AP3B2: variants seen among roughly 807,000 people sequenced by gnomAD.
AP3B2 encodes the protein adaptor related protein complex 3 subunit beta 2.
In AP3B2, 50 loss-of-function variants were observed where a neutral mutation model predicts 126.9. The observed-to-expected ratio is 0.39, with a 90% CI of 0.31 to 0.50. AP3B2 has a LOEUF of 0.50. Ranked by LOEUF, AP3B2 falls within the 20% of genes least tolerant of loss-of-function variation. The pLI, the probability that AP3B2 is intolerant of heterozygous loss-of-function variation, is 0.79. For synonymous variants in AP3B2, 541 were observed against 565.0 expected, an observed-to-expected ratio of 0.96 and a Z score of 0.60; for missense variants, 1,177 against 1,426.4, an observed-to-expected ratio of 0.83 and a Z score of 2.82.
chr15:82,676,242 C>A (rs1489106151), intron 14 of AP3B2, among the ~76,000 whole-genome samples: 1 of 152,176 alleles, frequency 6.6e-6, no homozygotes, highest in African/African-American at 2.4e-5. Flanking sequence ...GAGGTCACAG[C>A]TTCATAGGAG....
chr15:82,690,687 T>A (rs1478479358), intron 1 of AP3B2, among the ~76,000 whole-genome samples: 1 of 122,052 alleles, frequency 8.2e-6, no homozygotes, highest in Non-Finnish European at 1.7e-5. Flanking sequence ...GGAGTCTCGC[T>A]CTGTCGCCCA....
chr15:82,671,258 C>G (rs2048152989), intron 14 of AP3B2, among the ~76,000 whole-genome samples: 1 of 151,986 alleles, frequency 6.6e-6, no homozygotes. Flanking sequence ...ACACTCCAGC[C>G]TGGGTGACAG....
At chr15:82,677,165 C>T in intron 13 of AP3B2, 109 bp downstream of exon 13, 1 of 926,358 alleles carries the variant, frequency 1.1e-6, no homozygotes. Context: ...CACCTGAAGA[C>T]CTAAGGTTTG....
At chr15:82,666,094 A>G (rs958100375) in intron 15 of AP3B2, among the ~76,000 whole-genome samples, 1 of 152,212 alleles carries the variant, frequency 6.6e-6, no homozygotes, top group African/African-American at 2.4e-5. Context: ...TCCAGGGAAG[A>G]GAAAAAGAAC....
rs1383504110 is a variant in AP3B2 at position 82,665,229 on chromosome 15, G to A, written c.2028+18C>T. The A allele has an allele frequency of 1.1e-5, 17 of 1,536,564 alleles. No homozygotes were observed. Among genetic ancestry groups the A allele is most frequent in the Middle Eastern group, 1.7e-4 (1 of 6,010 alleles). ...AGACAGGGCAGGGGAGAGAGCACAC[G>A]TCACACGAAGGTGGGACCTCAGTGT... On this transcript the variant is annotated intron_variant, in intron 17 of 26. Transcript: ENST00000535359. This position sits in a 1 kb window ranked among gnomAD's most constrained non-coding sequence, Gnocchi z 4.4.
rs898224926 is a variant in AP3B2 at position 82,659,372 on chromosome 15, G to A, written c.*188C>T. On this transcript the variant is annotated 3_prime_UTR_variant, in exon 27 of 27. Coordinates refer to ENST00000535359, the MANE Select transcript of AP3B2 (RefSeq NM_001278512.2). ...AGTGGCTGCCATCTCTCTCTGCACAGATCACTAAGGAATCCATGGGGAGGG... is the reference window on the plus strand; with the variant it reads ...AGTGGCTGCCATCTCTCTCTGCACAAATCACTAAGGAATCCATGGGGAGGG... The A allele has an allele frequency of 1.3e-4, 90 of 667,996 alleles. 1 individual carries two copies. Among genetic ancestry groups the A allele is most frequent in the South Asian group, 1.3e-3 (69 of 52,188 alleles). 41.4% of individuals were successfully genotyped at this position (667,996 alleles called of 1,614,324 possible). A position where few individuals can be genotyped will look rare whatever the true frequency, so the allele number is the denominator to read the frequency against.
At chr15:82,688,559 A>G in intron 4 of AP3B2, 177 bp downstream of exon 4, 1 of 715,222 alleles carries the variant, frequency 1.4e-6, no homozygotes. Context: ...TTCTGAGCCC[A>G]GCTTCCACTC....
intron 1 of AP3B2, among the ~76,000 whole-genome samples, chr15:82,695,298 C>G (rs1466570672): frequency 6.6e-6 from 1 of 151,986 alleles, no homozygotes; most frequent in Non-Finnish European, 1.5e-5. Context: ...TGGGTTTCAT[C>G]ATGTTGGTCA....
chr15:82,659,633 A>G lies in AP3B2; in HGVS notation c.3233T>C (p.Leu1078Pro), dbSNP rs774938803. 1 of 1,613,864 alleles carries G rather than the reference A, an allele frequency of 6.2e-7. No homozygotes were observed. Among genetic ancestry groups the G allele is most frequent in the African/African-American group, 1.3e-5 (1 of 74,926 alleles). The change falls in exon 27 of 27, where the codon CTG (leucine) becomes CCG (proline). Residue 1078 changes from leucine to proline, a missense_variant. This residue lies in a region of AP3B2 where 587 missense variants were observed against 571.3 expected (regional missense o/e 1.03). Coordinates refer to ENST00000535359, the MANE Select transcript of AP3B2 (RefSeq NM_001278512.2). ...CACCATTTTCTCGCTGTTGACAGTCAGCTGGGCAGCTCCAGCTGGCCGGGC... is the reference window on the plus strand; with the variant it reads ...CACCATTTTCTCGCTGTTGACAGTCGGCTGGGCAGCTCCAGCTGGCCGGGC... ...LDARPAGAAQ[L>P]TVNSEKMVIG...
At chr15:82,679,312 C>T (rs556499467) in intron 10 of AP3B2, among the ~76,000 whole-genome samples, 9 of 152,230 alleles carry the variant, frequency 5.9e-5, no homozygotes, top group Non-Finnish European at 1.2e-4. Context: ...TTCGTTGAGA[C>T]GAGGTTTTGC....
chr15:82,690,620 A>G (rs1463176333), intron 1 of AP3B2, among the ~76,000 whole-genome samples: 6 of 105,412 alleles, frequency 5.7e-5, no homozygotes, highest in Non-Finnish European at 7.8e-5. Context: ...TCCATGGTGT[A>G]TATGTGCCAC....
In AP3B2 at chr15:82,709,631, G is replaced by A; in HGVS notation, c.76C>T (p.Pro26Ser). 6.6e-7 allele frequency: 1 copy of A among 1,517,524 alleles called. No homozygotes were observed. Among genetic ancestry groups the A allele is most frequent in the South Asian group, 1.2e-5 (1 of 81,358 alleles). The allele number at this position is 1,517,524 out of a possible 1,614,324, so 94.0% of individuals were successfully genotyped here. The change falls in exon 1 of 27, where the codon CCC becomes TCC. Residue 26 changes from proline (P) to serine (S), a missense_variant. Coordinates refer to ENST00000535359, the MANE Select transcript of AP3B2 (RefSeq NM_001278512.2). ...GAGGAGAAGATGCCGCCGCTCGCGG[G>A]GTCGTGGCCGTACTCGGGCTCCCCG... ...GPGEPEYGHD[P>S]ASGGIFSSDY...
intron 1 of AP3B2, among the ~76,000 whole-genome samples, chr15:82,705,580 C>T (rs2048784105): frequency 6.6e-6 from 1 of 152,182 alleles, no homozygotes; most frequent in African/African-American, 2.4e-5. Context: ...GTCCCTGACA[C>T]CCATCAGGCT....
At position 82,662,049 on chromosome 15, in the gene AP3B2, C is replaced by G; in HGVS notation, c.2918+119G>C. 3.8e-6 allele frequency: 5 copies of G among 1,298,978 alleles called. No homozygotes were observed. The Admixed American group carries it at 7.9e-5, about 21-fold the overall frequency. The allele number at this position is 1,298,978 out of a possible 1,614,324, so 80.5% of individuals were successfully genotyped here. A position where few individuals can be genotyped will look rare whatever the true frequency, so the allele number is the denominator to read the frequency against. On this transcript the variant is annotated intron_variant, in intron 24 of 26. Transcript: ENST00000535359. ...GGTCAGGAATGAGGGCCTGAGATGG[C>G]TTCCAGACCCACCCAATCATGATGT...
intron 14 of AP3B2, among the ~76,000 whole-genome samples, chr15:82,675,802 G>C (rs778479618): frequency 2.6e-5 from 4 of 152,192 alleles, no homozygotes; most frequent in Non-Finnish European, 4.4e-5. Flanking sequence ...CTGAGTGGGA[G>C]AGTGTGGAAA....
At chr15:82,679,934 T>C in intron 9 of AP3B2, 134 bp from the exon 10 acceptor site, 3 of 939,798 alleles carry the variant, frequency 3.2e-6, no homozygotes, top group Non-Finnish European at 3.3e-6. Context: ...TCCTCAAGTC[T>C]TCCCTCGTCC....
At chr15:82,663,998 C>T in intron 19 of AP3B2, 23 bp from the exon 20 acceptor site, 1 of 1,595,816 alleles carries the variant, frequency 6.3e-7, no homozygotes, top group Non-Finnish European at 8.5e-7. Flanking sequence ...GAAAGGTTGG[C>T]TCAGGCCTGG....
intron 1 of AP3B2, among the ~76,000 whole-genome samples, chr15:82,690,842 G>A (rs890867792): frequency 1.4e-5 from 2 of 148,138 alleles, no homozygotes; most frequent in African/African-American, 5.0e-5. Flanking sequence ...ATTTTTAGTA[G>A]AGACGGGGTT....
chr15:82,671,085 C>T (rs993061584), intron 14 of AP3B2, among the ~76,000 whole-genome samples: 3 of 151,818 alleles, frequency 2.0e-5, no homozygotes, highest in African/African-American at 7.3e-5. Flanking sequence ...GGAGTTGAGA[C>T]CAGCCTGACC....
Sources: gnomAD v4.1 joint callset for allele counts (sites outside exome capture counted in the v4.1 genomes callset) on GRCh38, gnomAD v4.1.1 for gene constraint, gnomAD v4.1.1 regional missense constraint, Gnocchi (gnomAD v3.1) non-coding constraint, MANE v1.5 for transcripts, NCBI Gene and HGNC (gene_info 2026-07-23, HGNC 2026-07-21) for gene names.